Variants in CCDC91 observed in about 807,000 individuals in gnomAD.
The protein encoded by CCDC91 is coiled-coil domain-containing protein 91.
Under a neutral mutation model 63.2 loss-of-function variants are expected in CCDC91, and 48 were observed. The ratio of observed to expected loss-of-function variants is 0.76; its 90% CI spans 0.60 to 0.97. The LOEUF is 0.97. Ranked by LOEUF, CCDC91 falls within the 50% of genes least tolerant of loss-of-function variation. The pLI is 0.00. For missense variants in CCDC91, 500 were observed against 494.6 expected (o/e 1.01, Z -0.10); for synonymous variants, 167 against 165.8 (o/e 1.01, Z -0.06).
chr12:28,357,864 G>A (rs1411461967), intron 6 of CCDC91, among the ~76,000 whole-genome samples: 1 of 152,114 alleles, frequency 6.6e-6, no homozygotes, highest in Non-Finnish European at 1.5e-5. Flanking sequence ...TTCTAGTGAT[G>A]TTTTGGGGTT....
At chr12:28,442,422 C>A (rs1414737951) in intron 8 of CCDC91, among the ~76,000 whole-genome samples, 1 of 151,996 alleles carries the variant, frequency 6.6e-6, no homozygotes, top group Non-Finnish European at 1.5e-5. Context: ...TTTGAATTCA[C>A]AGTGTCATTA....
intron 11 of CCDC91, among the ~76,000 whole-genome samples, chr12:28,453,657 G>GT (rs1223881091): frequency 8.6e-5 from 13 of 150,948 alleles, no homozygotes; most frequent in Non-Finnish European, 1.9e-4. Flanking sequence ...TTTTTCTTGC[G>GT]TTTTTTCACT....
intron 6 of CCDC91, among the ~76,000 whole-genome samples, chr12:28,355,794 C>CT (rs1368835915): frequency 6.6e-6 from 1 of 152,066 alleles, no homozygotes; most frequent in Non-Finnish European, 1.5e-5. Context: ...TTCAGCAAAG[C>CT]TGATGGCTTT....
intron 3 of CCDC91, among the ~76,000 whole-genome samples, chr12:28,294,056 G>A (rs530928246): frequency 6.2e-4 from 94 of 152,210 alleles, no homozygotes; most frequent in East Asian, 9.6e-4. Flanking sequence ...AACTCTGCTC[G>A]TGACTTGACA....
intron 12 of CCDC91, among the ~76,000 whole-genome samples, chr12:28,507,273 C>A (rs7969086): frequency 0.33 from 49,345 of 151,774 alleles, 8,607 homozygotes; most frequent in African/African-American, 0.42. Flanking sequence ...TGGCTGCTAA[C>A]CTCTAAACCA....
chr12:28,286,611 A>G (rs1414601010), intron 3 of CCDC91, among the ~76,000 whole-genome samples: 1 of 152,178 alleles, frequency 6.6e-6, no homozygotes, highest in Non-Finnish European at 1.5e-5. Context: ...CAGTTCATCC[A>G]CTGATGGCCA....
intron 6 of CCDC91, among the ~76,000 whole-genome samples, chr12:28,327,315 C>CAATAGGAAAA (rs1307835042): frequency 6.6e-6 from 1 of 152,072 alleles, no homozygotes; most frequent in Non-Finnish European, 1.5e-5. Flanking sequence ...GCAGCTGTGC[C>CAATAGGAAAA]AATAGGAAAA....
At chr12:28,506,856 G>A (rs1481436872) in intron 12 of CCDC91, among the ~76,000 whole-genome samples, 1 of 150,216 alleles carries the variant, frequency 6.7e-6, no homozygotes, top group Non-Finnish European at 1.5e-5. Context: ...CTGTCCTTCA[G>A]GGGTAAAAAA....
intron 3 of CCDC91, among the ~76,000 whole-genome samples, chr12:28,276,826 C>T (rs1417928337): frequency 6.6e-6 from 1 of 151,922 alleles, no homozygotes; most frequent in East Asian, 1.9e-4. Flanking sequence ...GTTACAGAAT[C>T]TGTGCTATAA....
At chr12:28,399,660 A>G (rs1326550990) in intron 8 of CCDC91, among the ~76,000 whole-genome samples, 1 of 152,230 alleles carries the variant, frequency 6.6e-6, no homozygotes, top group Admixed American at 6.5e-5. Flanking sequence ...TACAATGGAG[A>G]TACAGACATT....
intron 1 of CCDC91, among the ~76,000 whole-genome samples, chr12:28,217,516 CATTT>C (rs1943641842): frequency 5.9e-5 from 9 of 152,006 alleles, no homozygotes; most frequent in Admixed American, 5.9e-4. Context: ...AGATATTAAG[CATTT>C]ATTAATTATT....
chr12:28,367,593 A>G (rs537034032), intron 7 of CCDC91, among the ~76,000 whole-genome samples: 9 of 152,200 alleles, frequency 5.9e-5, no homozygotes, highest in African/African-American at 2.4e-5. Context: ...ATTAGCTCAC[A>G]ATTTCCCAAA....
intron 8 of CCDC91, among the ~76,000 whole-genome samples, chr12:28,419,351 C>T (rs972736241): frequency 1.3e-4 from 20 of 151,972 alleles, no homozygotes; most frequent in South Asian, 2.1e-4. Flanking sequence ...ACTATCATGA[C>T]GGTAAATATA....
chr12:28,252,716 C>T (rs1946203324), intron 1 of CCDC91, among the ~76,000 whole-genome samples: 1 of 151,442 alleles, frequency 6.6e-6, no homozygotes, highest in Non-Finnish European at 1.5e-5. Context: ...TTTATTTCAT[C>T]CTAGTTTTCT....
intron 3 of CCDC91, among the ~76,000 whole-genome samples, chr12:28,267,326 T>C (rs1947257069): frequency 6.6e-6 from 1 of 151,754 alleles, no homozygotes; most frequent in Non-Finnish European, 1.5e-5. Flanking sequence ...GACCTTTCTG[T>C]AGAAGTACTT....
At chr12:28,316,750 T>G (rs1565786777) in intron 6 of CCDC91, among the ~76,000 whole-genome samples, 1 of 151,722 alleles carries the variant, frequency 6.6e-6, no homozygotes, top group African/African-American at 2.4e-5. Flanking sequence ...CATTTTAAAA[T>G]TCTGTGTTTT....
intron 3 of CCDC91, chr12:28,304,764 A>T (rs1467148812): frequency 1.6e-6 from 1 of 610,064 alleles, no homozygotes; most frequent in Non-Finnish European, 2.5e-6. Context: ...CCAAAAAGTG[A>T]CTCACTTTCC....
chr12:28,261,268 T>G (rs2219766), intron 3 of CCDC91, among the ~76,000 whole-genome samples: 2,377 of 152,082 alleles, frequency 0.016, 65 homozygotes, highest in African/African-American at 0.055. Context: ...GAAGAAAGGT[T>G]AGGGCTGGAG....
At chr12:28,361,323 T>C (rs1943866870) in intron 6 of CCDC91, among the ~76,000 whole-genome samples, 1 of 151,904 alleles carries the variant, frequency 6.6e-6, no homozygotes, top group Non-Finnish European at 1.5e-5. Context: ...TAAAGCTATC[T>C]CTCCCCACTC....
Sources: allele counts gnomAD v4.1 joint callset (sites outside exome capture counted in the v4.1 genomes callset), GRCh38; gene constraint gnomAD v4.1.1; transcripts MANE v1.5; gene names NCBI Gene and HGNC (gene_info 2026-07-23, HGNC 2026-07-21).